TNNI3K: variants seen among roughly 807,000 people sequenced by gnomAD.
TNNI3K encodes serine/threonine-protein kinase TNNI3K.
A neutral mutation model predicts 114.5 loss-of-function variants in TNNI3K; 140 were observed. That is an observed-to-expected ratio of 1.22 (90% CI 1.07 to 1.41). TNNI3K has a LOEUF of 1.41. TNNI3K is among the 40% of genes most tolerant of loss of function. The pLI, the probability that TNNI3K is intolerant of heterozygous loss-of-function variation, is 0.00. For synonymous variants in TNNI3K, 347 were observed against 347.5 expected (o/e 1.00, Z 0.02); for missense variants, 1,125 against 1,007.6 (o/e 1.12, Z -1.58).
At chr1:74,403,119 T>C (rs1385015076) in intron 17 of TNNI3K, among the ~76,000 whole-genome samples, 1 of 152,170 alleles carries the variant, frequency 6.6e-6, no homozygotes, top group East Asian at 1.9e-4. Flanking sequence ...CTTCTGGGTA[T>C]TTTATTTAGG....
chr1:74,500,283 A>G (rs1235770902), intron 23 of TNNI3K, among the ~76,000 whole-genome samples: 1 of 151,888 alleles, frequency 6.6e-6, no homozygotes, highest in Admixed American at 6.6e-5. Flanking sequence ...ATTGTTTGTT[A>G]TGGTTACATT....
In TNNI3K at chr1:74,341,361, G is replaced by A. The variant is rs182424068; in HGVS notation, c.683-1481G>A. On this transcript the variant is annotated intron_variant, in intron 7 of 24. Transcript: ENST00000326637. ...TTATTAAATGTCTAGTATGGGACAA[G>A]CATCATGCTAGATAGACGCTTTCCA... Among the ~76,000 whole-genome samples the A allele has an allele frequency of 2.6e-5, 4 of 152,222 alleles. No individual in the cohort carries two copies. In the East Asian group the frequency reaches 5.8e-4, roughly 22 times the overall value.
intron 23 of TNNI3K, among the ~76,000 whole-genome samples, chr1:74,518,622 G>T (rs1646382604): frequency 6.6e-6 from 1 of 152,124 alleles, no homozygotes; most frequent in African/African-American, 2.4e-5. Flanking sequence ...TGCCTGGGGA[G>T]CACACTGTCA....
At chr1:74,386,609 A>G (rs1663492818) in intron 17 of TNNI3K, among the ~76,000 whole-genome samples, 1 of 152,200 alleles carries the variant, frequency 6.6e-6, no homozygotes, top group Admixed American at 6.5e-5. Flanking sequence ...GACTTCTTCA[A>G]AATTAGAATT....
intron 5 of TNNI3K, among the ~76,000 whole-genome samples, chr1:74,313,096 C>T (rs1171747763): frequency 6.6e-6 from 1 of 152,130 alleles, no homozygotes. Flanking sequence ...TGGGATTCTT[C>T]TGGTTTATAT....
intron 21 of TNNI3K, chr1:74,475,529 C>A (rs530720925): frequency 1.5e-5 from 11 of 717,266 alleles, no homozygotes; most frequent in Non-Finnish European, 2.1e-5. Context: ...AATGATCCGT[C>A]AAGGGTTGCA....
At chr1:74,319,727 T>C (rs1384332398) in intron 5 of TNNI3K, among the ~76,000 whole-genome samples, 1 of 152,164 alleles carries the variant, frequency 6.6e-6, no homozygotes, top group Non-Finnish European at 1.5e-5. Context: ...TGTCTAAGGT[T>C]CCAGTGGTAC....
At chr1:74,359,734 G>T (rs1661854589) in intron 11 of TNNI3K, among the ~76,000 whole-genome samples, 4 of 151,928 alleles carry the variant, frequency 2.6e-5, no homozygotes, top group Admixed American at 2.6e-4. Flanking sequence ...CTACAGCAGG[G>T]TTTTTCTCCA....
At chr1:74,458,581 G>A (rs1667322465) in intron 20 of TNNI3K, among the ~76,000 whole-genome samples, 1 of 152,124 alleles carries the variant, frequency 6.6e-6, no homozygotes, top group African/African-American at 2.4e-5. Context: ...TCACTCTACA[G>A]TGTTTCTTGA....
intron 4 of TNNI3K, among the ~76,000 whole-genome samples, chr1:74,267,362 C>T (rs1008111541): frequency 1.3e-5 from 2 of 151,854 alleles, no homozygotes; most frequent in South Asian, 4.1e-4. Context: ...AAAAGTATGT[C>T]CTCTCAAGTT....
chr1:74,309,597 AG>A (rs1449135946), intron 5 of TNNI3K, among the ~76,000 whole-genome samples: 1 of 152,122 alleles, frequency 6.6e-6, no homozygotes, highest in African/African-American at 2.4e-5. Context: ...GCACATCAAA[AG>A]GATAAATCAC....
chr1:74,442,710 C>G (rs1196701020), intron 20 of TNNI3K, among the ~76,000 whole-genome samples: 1 of 151,964 alleles, frequency 6.6e-6, no homozygotes, highest in Non-Finnish European at 1.5e-5. Context: ...TATTTTGTGT[C>G]TCTTGATATA....
rs555143387 is a variant in TNNI3K at position 74,266,759 on chromosome 1, C to A, written c.334-4839C>A. On this transcript the variant is annotated intron_variant, in intron 4 of 24. Transcript: ENST00000326637. ...TCCATAGCAATAATCACAGAGCTAA[C>A]AATAAGGCAGGATATTAAGTAAGCA... is the stretch of plus-strand genomic sequence containing the variant. Among the ~76,000 whole-genome samples, 4 of 152,004 alleles carry A rather than the reference C, an allele frequency of 2.6e-5. No homozygotes were observed. The South Asian group carries it at 8.3e-4, about 31-fold the overall frequency.
intron 2 of TNNI3K, chr1:74,240,480 T>G (rs1654121872): frequency 6.6e-6 from 1 of 152,248 alleles, no homozygotes; most frequent in African/African-American, 2.4e-5. Flanking sequence ...TTAAACAATT[T>G]GTATGATTTA....
intron 20 of TNNI3K, among the ~76,000 whole-genome samples, chr1:74,443,620 A>G (rs771775782): frequency 2.6e-5 from 4 of 152,164 alleles, no homozygotes; most frequent in Non-Finnish European, 5.9e-5. Flanking sequence ...AACTATTCCA[A>G]ACAATTGAAA....
chr1:74,486,910 A>G (rs932752584), intron 21 of TNNI3K, among the ~76,000 whole-genome samples: 5 of 152,206 alleles, frequency 3.3e-5, no homozygotes, highest in Admixed American at 6.5e-5. Context: ...TGAAATGACC[A>G]CTGAGATGTA....
At chr1:74,237,222 G>C (rs1653911580) in intron 2 of TNNI3K, among the ~76,000 whole-genome samples, 1 of 151,916 alleles carries the variant, frequency 6.6e-6, no homozygotes, top group African/African-American at 2.4e-5. Context: ...GGCCCAGGAT[G>C]ATGAACTCAA....
chr1:74,304,000 A>G (rs1477895415), intron 5 of TNNI3K, among the ~76,000 whole-genome samples: 1 of 152,230 alleles, frequency 6.6e-6, no homozygotes, highest in East Asian at 1.9e-4. Flanking sequence ...TCTCATGACA[A>G]AACTTGATTG....
chr1:74,538,753 C>T (rs944537748), intron 23 of TNNI3K, among the ~76,000 whole-genome samples: 12 of 151,970 alleles, frequency 7.9e-5, no homozygotes, highest in Admixed American at 7.2e-4. Flanking sequence ...AGGGGATTTG[C>T]GTTTATTAAG....
Sources: gnomAD v4.1 joint callset for allele counts (sites outside exome capture counted in the v4.1 genomes callset) on GRCh38, gnomAD v4.1.1 for gene constraint, MANE v1.5 for transcripts, NCBI Gene and HGNC (gene_info 2026-07-23, HGNC 2026-07-21) for gene names.